UST: variants seen among roughly 807,000 people sequenced by gnomAD.
UST encodes uronyl 2-sulfotransferase.
UST carries 21 observed loss-of-function variants against 45.6 expected under a neutral mutation model. The observed-to-expected ratio is 0.46, with a 90% CI of 0.33 to 0.66. The LOEUF (loss-of-function observed/expected upper bound fraction) is 0.66, where lower values mean the gene tolerates loss of function less well. UST is among the 30% of genes least tolerant of loss of function. UST has a pLI of 0.02. For missense variants in UST, 463 were observed against 512.4 expected, an observed-to-expected ratio of 0.90 and a Z score of 0.93; for synonymous variants, 215 against 200.6, an observed-to-expected ratio of 1.07 and a Z score of -0.61.
chr6:148,794,316 T>A (rs1398221540), intron 1 of UST, among the ~76,000 whole-genome samples: 1 of 152,234 alleles, frequency 6.6e-6, no homozygotes, highest in Non-Finnish European at 1.5e-5. Context: ...TTTCTTATAC[T>A]TCTTGTGATT....
intron 2 of UST, among the ~76,000 whole-genome samples, chr6:148,895,024 G>A (rs1323149166): frequency 6.6e-6 from 1 of 151,906 alleles, no homozygotes; most frequent in Admixed American, 6.6e-5. Context: ...CACCATGTTG[G>A]CCAGGATGGT....
intron 5 of UST, among the ~76,000 whole-genome samples, chr6:148,996,764 G>T (rs540975197): frequency 1.3e-5 from 2 of 152,182 alleles, no homozygotes; most frequent in Non-Finnish European, 2.9e-5. Context: ...TATGTGTGTA[G>T]AAGTTATTCT....
At chr6:148,972,745 G>C (rs1780943484) in intron 5 of UST, among the ~76,000 whole-genome samples, 1 of 152,246 alleles carries the variant, frequency 6.6e-6, no homozygotes, top group Non-Finnish European at 1.5e-5. Flanking sequence ...ACCCCTACTG[G>C]GGCAGGTGGC....
At chr6:148,757,012 CAT>C (rs1393298263) in intron 1 of UST, among the ~76,000 whole-genome samples, 2 of 152,198 alleles carry the variant, frequency 1.3e-5, no homozygotes, top group Non-Finnish European at 2.9e-5. Flanking sequence ...CATATGAGTA[CAT>C]ATAGTTTTGT....
At chr6:148,820,633 G>A (rs946168910) in intron 1 of UST, among the ~76,000 whole-genome samples, 1 of 151,940 alleles carries the variant, frequency 6.6e-6, no homozygotes, top group Non-Finnish European at 1.5e-5. Context: ...GGCGGATCAC[G>A]AGGTCAGGAG....
Position 148,801,418 on chromosome 6 carries a change from G to A in UST, c.247+53741G>A, listed in dbSNP as rs574994254. ...TATAATGAGGGTTCCTAGACTAGAT[G>A]GTAGGGTAGATTTTCACAACCCAAA... On this transcript the variant is annotated intron_variant, in intron 1 of 7. Coordinates refer to ENST00000367463, the MANE Select transcript of UST (RefSeq NM_005715.3). Among the ~76,000 whole-genome samples the A allele has an allele frequency of 2.0e-5, 3 of 152,238 alleles. No individual in the cohort carries two copies. In the South Asian group the frequency reaches 6.2e-4, roughly 32 times the overall value.
chr6:148,837,829 A>G (rs1777816371), intron 1 of UST, among the ~76,000 whole-genome samples: 1 of 152,044 alleles, frequency 6.6e-6, no homozygotes, highest in Non-Finnish European at 1.5e-5. Context: ...CAGTCCCCCA[A>G]GTAGCTGGGA....
intron 7 of UST, among the ~76,000 whole-genome samples, chr6:149,064,048 A>G (rs1434969951): frequency 6.6e-6 from 1 of 152,176 alleles, no homozygotes; most frequent in Non-Finnish European, 1.5e-5. Flanking sequence ...AGTATGAAAG[A>G]CCCAACTCCA....
intron 2 of UST, among the ~76,000 whole-genome samples, chr6:148,906,976 G>A (rs1177619556): frequency 1.3e-5 from 2 of 152,200 alleles, no homozygotes; most frequent in African/African-American, 2.4e-5. Context: ...TCAAAAGTGT[G>A]TGTTCTGACC....
At chr6:148,771,011 CAG>C (rs1176564579) in intron 1 of UST, among the ~76,000 whole-genome samples, 5 of 151,990 alleles carry the variant, frequency 3.3e-5, no homozygotes, top group Non-Finnish European at 7.3e-5. Context: ...TTTAGTAGAA[CAG>C]AGTGATGTCA....
chr6:148,784,688 C>G (rs1157501194), intron 1 of UST, among the ~76,000 whole-genome samples: 1 of 152,132 alleles, frequency 6.6e-6, no homozygotes, highest in Non-Finnish European at 1.5e-5. Flanking sequence ...ACAGTGCCTG[C>G]GATATGATAA....
At chr6:148,773,071 T>C (rs1298101565) in intron 1 of UST, among the ~76,000 whole-genome samples, 1 of 152,188 alleles carries the variant, frequency 6.6e-6, no homozygotes, top group African/African-American at 2.4e-5. Context: ...TTATAGAAAA[T>C]AGGATCTATG....
chr6:149,058,042 A>G (rs2115039952), intron 7 of UST, among the ~76,000 whole-genome samples: 1 of 152,350 alleles, frequency 6.6e-6, no homozygotes, highest in South Asian at 2.1e-4. Context: ...ATAAATGTTT[A>G]TGTTTTAAAT....
At chr6:148,818,428 AT>A (rs1295510008) in intron 1 of UST, among the ~76,000 whole-genome samples, 1 of 152,158 alleles carries the variant, frequency 6.6e-6, no homozygotes, top group African/African-American at 2.4e-5. Flanking sequence ...ACAGGTCTTC[AT>A]TTTCCCATTG....
At chr6:149,052,231 G>A (rs1776497780) in intron 7 of UST, among the ~76,000 whole-genome samples, 1 of 152,116 alleles carries the variant, frequency 6.6e-6, no homozygotes, top group African/African-American at 2.4e-5. Flanking sequence ...TGTTTCATTT[G>A]GGGAGATTAG....
intron 7 of UST, among the ~76,000 whole-genome samples, chr6:149,056,532 A>G (rs1043514064): frequency 6.6e-6 from 1 of 152,206 alleles, no homozygotes; most frequent in African/African-American, 2.4e-5. Flanking sequence ...GGCCTCCTAT[A>G]CAAATGGGAA....
intron 1 of UST, among the ~76,000 whole-genome samples, chr6:148,836,138 G>C (rs901865929): frequency 1.3e-5 from 2 of 152,202 alleles, no homozygotes; most frequent in African/African-American, 4.8e-5. Flanking sequence ...ACCCACACGG[G>C]AGGGTTGGGG....
At chr6:148,973,581 A>G (rs907776885) in intron 5 of UST, among the ~76,000 whole-genome samples, 7 of 152,268 alleles carry the variant, frequency 4.6e-5, no homozygotes, top group African/African-American at 1.2e-4. Context: ...GAAGTTTTAT[A>G]TAAAGTAAAA....
At chr6:148,835,285 C>A (rs1777765790) in intron 1 of UST, among the ~76,000 whole-genome samples, 1 of 152,186 alleles carries the variant, frequency 6.6e-6, no homozygotes, top group Middle Eastern at 3.4e-3. Context: ...ATGTTATATG[C>A]AAATACTATG....
Sources: gnomAD v4.1 joint callset for allele counts (sites outside exome capture counted in the v4.1 genomes callset) on GRCh38, gnomAD v4.1.1 for gene constraint, MANE v1.5 for transcripts, NCBI Gene and HGNC (gene_info 2026-07-23, HGNC 2026-07-21) for gene names.